Variants in IHO1 observed in about 807,000 individuals in gnomAD.
IHO1 encodes the protein interactor of HORMAD1 protein 1.
Under a neutral mutation model 31.0 loss-of-function variants are expected in IHO1, and 13 were observed. That is an observed-to-expected ratio of 0.42 (90% CI 0.27 to 0.67). The LOEUF (loss-of-function observed/expected upper bound fraction) is 0.67, where lower values mean the gene tolerates loss of function less well. Among genes scored for constraint, IHO1 ranks in the 30% least tolerant of loss-of-function variants. IHO1 has a pLI of 0.24. For synonymous variants in IHO1, 221 were observed against 248.4 expected (o/e 0.89, Z 1.04); for missense variants, 599 against 687.5 (o/e 0.87, Z 1.44).
chr3:49,253,109 C>CT (rs1486712434), intron 6 of IHO1, among the ~76,000 whole-genome samples: 2 of 151,012 alleles, frequency 1.3e-5, no homozygotes, highest in African/African-American at 4.9e-5. Context: ...AGCACAGTGT[C>CT]TGACAATAAA....
upstream of IHO1, among the ~76,000 whole-genome samples, chr3:49,198,188 CCTCTT>C (rs1382315198): frequency 6.6e-6 from 1 of 152,164 alleles, no homozygotes; most frequent in African/African-American, 2.4e-5. Context: ...CCAAATCTCT[CCTCTT>C]GATTTTTTGA....
chr3:49,217,182 T>C (rs2046298181), intron 2 of IHO1, among the ~76,000 whole-genome samples: 1 of 152,150 alleles, frequency 6.6e-6, no homozygotes, highest in Non-Finnish European at 1.5e-5. Context: ...TAAAGACACA[T>C]GCACATGTAT....
At chr3:49,210,032 T>TC (rs1364837622) in intron 1 of IHO1, among the ~76,000 whole-genome samples, 7 of 149,704 alleles carry the variant, frequency 4.7e-5, no homozygotes, top group African/African-American at 1.7e-4. Flanking sequence ...TTTCTTTCTT[T>TC]TTTTTTTTTT....
chr3:49,193,401 G>A, the IHO1 span, among the ~76,000 whole-genome samples: 14 of 150,744 alleles, frequency 9.3e-5, no homozygotes, highest in African/African-American at 1.5e-4. Flanking sequence ...AACAAAAACC[G>A]TAAAGATGTT....
At chr3:49,232,886 G>A (rs377604287) in intron 2 of IHO1, among the ~76,000 whole-genome samples, 97 of 152,112 alleles carry the variant, frequency 6.4e-4, no homozygotes, top group Admixed American at 2.1e-3. Context: ...TGGCAATAAC[G>A]CCTGGATGTA....
upstream of IHO1, among the ~76,000 whole-genome samples, chr3:49,196,546 G>T (rs1005342699): frequency 6.6e-6 from 1 of 150,762 alleles, no homozygotes. Flanking sequence ...GCAATGGCAT[G>T]ACCTCGGCTC....
At chr3:49,239,266 C>G (rs1333331118) in intron 3 of IHO1, among the ~76,000 whole-genome samples, 1 of 149,172 alleles carries the variant, frequency 6.7e-6, no homozygotes, top group Non-Finnish European at 1.5e-5. Flanking sequence ...GCTACCATGC[C>G]TGGCCACACC....
upstream of IHO1, among the ~76,000 whole-genome samples, chr3:49,197,075 G>T (rs2046002701): frequency 6.7e-6 from 1 of 149,812 alleles, no homozygotes; most frequent in Non-Finnish European, 1.5e-5. Context: ...CCGCCTCCCA[G>T]GTTCAAACGA....
intron 5 of IHO1, 66 bp downstream of exon 5, chr3:49,244,518 G>A: frequency 4.6e-6 from 6 of 1,301,750 alleles, no homozygotes; most frequent in East Asian, 2.4e-5. Flanking sequence ...TATTTATATT[G>A]TATTGGCTTT....
intron 2 of IHO1, among the ~76,000 whole-genome samples, chr3:49,214,763 C>A (rs2046268124): frequency 6.8e-6 from 1 of 147,732 alleles, no homozygotes; most frequent in Non-Finnish European, 1.5e-5. Context: ...CCTCAGCTTC[C>A]CAAGTAGCTG....
At chr3:49,224,677 G>A (rs1055437672) in intron 2 of IHO1, among the ~76,000 whole-genome samples, 5 of 152,156 alleles carry the variant, frequency 3.3e-5, no homozygotes, top group African/African-American at 4.8e-5. Context: ...CCTGCCCTTC[G>A]TATCCCATTC....
chr3:49,196,822 C>G (rs1342875689), upstream of IHO1, among the ~76,000 whole-genome samples: 2 of 151,926 alleles, frequency 1.3e-5, no homozygotes, highest in Admixed American at 6.6e-5. Flanking sequence ...AGGCGCCCAC[C>G]ACCACGCCTG....
intron 2 of IHO1, among the ~76,000 whole-genome samples, chr3:49,216,439 C>A (rs1009074470): frequency 6.6e-6 from 1 of 152,084 alleles, no homozygotes; most frequent in African/African-American, 2.4e-5. Context: ...CCAAAAAATA[C>A]AAAAATTAGC....
intron 2 of IHO1, among the ~76,000 whole-genome samples, chr3:49,223,864 G>A (rs1054731846): frequency 3.9e-5 from 6 of 152,260 alleles, no homozygotes; most frequent in South Asian, 2.1e-4. Context: ...ATTGAAATCC[G>A]TTTGACTTAG....
At chr3:49,251,872 G>C (rs1399681963) in intron 6 of IHO1, among the ~76,000 whole-genome samples, 2 of 151,902 alleles carry the variant, frequency 1.3e-5, no homozygotes, top group Non-Finnish European at 2.9e-5. Context: ...GAAGTGCTGG[G>C]ATTACGGGCG....
chr3:49,222,810 C>T (rs1268985639), intron 2 of IHO1, among the ~76,000 whole-genome samples: 2 of 152,144 alleles, frequency 1.3e-5, no homozygotes, highest in Non-Finnish European at 2.9e-5. Flanking sequence ...TCTGGGTGAT[C>T]TTGGGACTCC....
intron 6 of IHO1, among the ~76,000 whole-genome samples, chr3:49,249,266 A>G (rs905016809): frequency 1.3e-5 from 2 of 151,536 alleles, no homozygotes; most frequent in Non-Finnish European, 3.0e-5. Flanking sequence ...AGAAGAAAAC[A>G]TGGACAACAT....
intron 3 of IHO1, among the ~76,000 whole-genome samples, chr3:49,237,886 CCTTT>C (rs2046578870): frequency 3.5e-4 from 20 of 57,244 alleles, no homozygotes; most frequent in Non-Finnish European, 6.7e-4. Flanking sequence ...CCTGTCTTTT[CCTTT>C]TTTTTTTTTT....
At chr3:49,201,873 G>A (rs1197827516) in intron 1 of IHO1, among the ~76,000 whole-genome samples, 6 of 152,150 alleles carry the variant, frequency 3.9e-5, no homozygotes, top group African/African-American at 1.2e-4. Context: ...AGCCAAGATC[G>A]CAACATTGCA....
Sources: allele counts gnomAD v4.1 joint callset (sites outside exome capture counted in the v4.1 genomes callset), GRCh38; gene constraint gnomAD v4.1.1; transcripts MANE v1.5; gene names NCBI Gene and HGNC (gene_info 2026-07-23, HGNC 2026-07-21).